The following BEND6 variants were observed in gnomAD, a reference collection of about 807,000 sequenced individuals.
BEND6 encodes BEN domain-containing protein 6.
Under a neutral mutation model 31.8 loss-of-function variants are expected in BEND6, and 24 were observed. The ratio of observed to expected loss-of-function variants is 0.75; its 90% CI spans 0.55 to 1.06. BEND6 has a LOEUF of 1.06. Ranked by LOEUF, BEND6 falls within the 50% of genes least tolerant of loss-of-function variation. The pLI, the probability that BEND6 is intolerant of heterozygous loss-of-function variation, is 0.00. For synonymous variants in BEND6, 109 were observed against 114.6 expected (o/e 0.95, Z 0.31); for missense variants, 294 against 327.4 (o/e 0.90, Z 0.79).
At chr6:57,022,164 C>CTTTTTTTTTTTTTTTTTTTTTT (rs57185788) in intron 6 of BEND6, among the ~76,000 whole-genome samples, 3 of 111,186 alleles carry the variant, frequency 2.7e-5, no homozygotes, top group Admixed American at 9.2e-5. Context: ...TTTTCTTTTT[C>CTTTTTTTTTTTTTTTTTTTTTT]TTTTTTTTTT....
At chr6:57,014,623 G>T in intron 3 of BEND6, 1 of 889,764 alleles carries the variant, frequency 1.1e-6, no homozygotes. Flanking sequence ...TTGTGGCAGT[G>T]CATTTTTAAT....
intron 3 of BEND6, among the ~76,000 whole-genome samples, chr6:57,006,976 G>A (rs1175324297): frequency 6.6e-6 from 1 of 152,132 alleles, no homozygotes; most frequent in African/African-American, 2.4e-5. Context: ...ATTCACTGGG[G>A]AAATAATAGT....
intron 2 of BEND6, among the ~76,000 whole-genome samples, chr6:56,984,735 C>A (rs546477054): frequency 2.0e-5 from 3 of 152,296 alleles, no homozygotes; most frequent in African/African-American, 7.2e-5. Context: ...TGTTCAGCCT[C>A]TTTTCTCTCC....
chr6:56,992,083 C>G (rs1296402968), intron 2 of BEND6, among the ~76,000 whole-genome samples: 3 of 152,150 alleles, frequency 2.0e-5, no homozygotes, highest in African/African-American at 7.2e-5. Flanking sequence ...GAATGGTGGT[C>G]TTGTTGATTT....
chr6:56,958,765 T>C (rs1825184937), intron 1 of BEND6, among the ~76,000 whole-genome samples: 1 of 152,162 alleles, frequency 6.6e-6, no homozygotes, highest in South Asian at 2.1e-4. Context: ...TGTTCCAATT[T>C]AGTGGCTTTC....
At chr6:56,963,989 T>C (rs1463589218) in intron 1 of BEND6, among the ~76,000 whole-genome samples, 1 of 146,562 alleles carries the variant, frequency 6.8e-6, no homozygotes, top group Non-Finnish European at 1.5e-5. Flanking sequence ...TATAAATAAT[T>C]ATTGTTATAA....
intron 3 of BEND6, among the ~76,000 whole-genome samples, chr6:57,007,118 A>C (rs931085014): frequency 6.6e-6 from 1 of 152,048 alleles, no homozygotes; most frequent in African/African-American, 2.4e-5. Context: ...AGGGAGACCC[A>C]TCTCTACAAA....
intron 2 of BEND6, among the ~76,000 whole-genome samples, chr6:56,987,443 C>T (rs533600892): frequency 1.3e-5 from 2 of 152,272 alleles, no homozygotes; most frequent in East Asian, 1.9e-4. Context: ...ATCTGTGGCC[C>T]GGAGAGACAC....
chr6:57,003,103 A>G (rs542338653), intron 3 of BEND6, among the ~76,000 whole-genome samples: 96 of 152,330 alleles, frequency 6.3e-4, no homozygotes, highest in African/African-American at 2.2e-3. Context: ...TAGAAAATCT[A>G]GAGGAAATGC....
At chr6:56,971,341 A>G (rs925288272) in intron 1 of BEND6, among the ~76,000 whole-genome samples, 2 of 152,216 alleles carry the variant, frequency 1.3e-5, no homozygotes, top group African/African-American at 4.8e-5. Context: ...ATTACATTAT[A>G]TGTATCTGCC....
chr6:56,992,646 A>C, intron 3 of BEND6, 91 bp downstream of exon 3: 2 of 1,363,072 alleles, frequency 1.5e-6, no homozygotes, highest in Non-Finnish European at 2.0e-6. Context: ...AATGAAGAAG[A>C]AAATCCACAC....
At chr6:56,957,957 A>C (rs1284270762) in intron 1 of BEND6, among the ~76,000 whole-genome samples, 3 of 152,230 alleles carry the variant, frequency 2.0e-5, no homozygotes, top group African/African-American at 7.2e-5. Flanking sequence ...TGAAGAACAC[A>C]GCTTAGCCTC....
rs74271470 is a variant in BEND6 at position 57,020,833 on chromosome 6, GT to G, written c.*9+2297del. Among the ~76,000 whole-genome samples the G allele has an allele frequency of 3.3e-3, 451 of 137,770 alleles. 2 individuals are homozygous for G. The highest frequency in any genetic ancestry group is 9.8e-3 in the African/African-American group (356 of 36,366). The allele number at this position is 137,770 out of a possible 152,430, so 90.4% of individuals were successfully genotyped here. A position where few individuals can be genotyped will look rare whatever the true frequency, so the allele number is the denominator to read the frequency against. On this transcript the variant is annotated intron_variant, in intron 6 of 6. Coordinates refer to ENST00000370746, the MANE Select transcript of BEND6 (RefSeq NM_152731.3). Reference sequence around the variant, plus strand: ...AAGCATTTTGATATCCTAAACTCTTGTTTTTTTTTTTTTTTTTTTTTAATAT... The same window carrying G: ...AAGCATTTTGATATCCTAAACTCTTGTTTTTTTTTTTTTTTTTTTTAATAT...
intron 6 of BEND6, among the ~76,000 whole-genome samples, chr6:57,024,723 T>A (rs1332913372): frequency 2.6e-5 from 4 of 152,246 alleles, no homozygotes; most frequent in African/African-American, 9.6e-5. Context: ...TTCTCTGACC[T>A]TCCTGTACCT....
At chr6:56,958,888 A>C (rs1381823680) in intron 1 of BEND6, among the ~76,000 whole-genome samples, 1 of 152,152 alleles carries the variant, frequency 6.6e-6, no homozygotes, top group African/African-American at 2.4e-5. Context: ...AGAGGCTAAA[A>C]CCAGACATTA....
At chr6:57,007,499 A>C (rs1312911655) in intron 3 of BEND6, among the ~76,000 whole-genome samples, 4 of 152,166 alleles carry the variant, frequency 2.6e-5, no homozygotes, top group Non-Finnish European at 5.9e-5. Context: ...AGGACCTTAA[A>C]AGCACAGGCA....
intron 1 of BEND6, among the ~76,000 whole-genome samples, chr6:56,978,106 A>C (rs1825949660): frequency 6.8e-6 from 1 of 146,914 alleles, no homozygotes; most frequent in African/African-American, 2.5e-5. Flanking sequence ...CTCTACAAAA[A>C]CAAAAAACAA....
intron 1 of BEND6, among the ~76,000 whole-genome samples, chr6:56,964,026 A>G (rs1361771303): frequency 6.8e-6 from 1 of 148,030 alleles, no homozygotes; most frequent in Non-Finnish European, 1.5e-5. Context: ...TTATATTATT[A>G]CAATTAATAT....
At chr6:56,972,197 C>T (rs1825716113) in intron 1 of BEND6, among the ~76,000 whole-genome samples, 1 of 141,872 alleles carries the variant, frequency 7.0e-6, no homozygotes, top group Admixed American at 7.6e-5. Flanking sequence ...TGGGTTCAAG[C>T]AATTCTCCTG....
Sources: gnomAD v4.1 joint callset for allele counts (sites outside exome capture counted in the v4.1 genomes callset) on GRCh38, gnomAD v4.1.1 for gene constraint, MANE v1.5 for transcripts, NCBI Gene and HGNC (gene_info 2026-07-23, HGNC 2026-07-21) for gene names.